The following BACH2 variants were observed in gnomAD, a reference collection of about 807,000 sequenced individuals.
The protein encoded by BACH2 is BACH transcriptional regulator 2, also known as transcription regulator protein BACH2.
In BACH2, 5 loss-of-function variants were observed where a neutral mutation model predicts 61.8. The ratio of observed to expected loss-of-function variants is 0.08; its 90% CI spans 0.04 to 0.17. The LOEUF (loss-of-function observed/expected upper bound fraction) is 0.17. BACH2 is among the 10% of genes least tolerant of loss of function. BACH2 has a pLI of 1.00. For missense variants in BACH2, 824 were observed against 1,091.1 expected, an observed-to-expected ratio of 0.76 and a Z score of 3.45; for synonymous variants, 446 against 440.1, an observed-to-expected ratio of 1.01 and a Z score of -0.17.
At position 89,975,129 on chromosome 6, in the gene BACH2, C is replaced by A. The variant is rs116120806; in HGVS notation, c.244-23267G>T. Among the ~76,000 whole-genome samples, 827 of 152,282 alleles carry A rather than the reference C, an allele frequency of 5.4e-3. 13 individuals carry two copies. Among genetic ancestry groups the A allele is most frequent in the African/African-American group, 0.019 (799 of 41,560 alleles). On this transcript the variant is annotated intron_variant, in intron 6 of 8. Coordinates refer to ENST00000257749, the MANE Select transcript of BACH2 (RefSeq NM_021813.4). ...TGAAAAAAATCCCATTGATTTTGGG[C>A]TTCATGATGATGTTTTCTGGGAGAG...
At chr6:90,102,791 AAATAATAATAATAATAAT>A (rs372366852) in intron 4 of BACH2, among the ~76,000 whole-genome samples, 10 of 113,672 alleles carry the variant, frequency 8.8e-5, no homozygotes, top group South Asian at 3.1e-4. Flanking sequence ...ACTCCATTTC[AAATAATAATAATAATAAT>A]AATAATAATA....
intron 5 of BACH2, among the ~76,000 whole-genome samples, chr6:90,032,375 G>C (rs1280120961): frequency 7.5e-6 from 1 of 133,306 alleles, no homozygotes; most frequent in Non-Finnish European, 1.5e-5. Flanking sequence ...TTAAACTAAA[G>C]AGCTTCTGCA....
intron 4 of BACH2, among the ~76,000 whole-genome samples, chr6:90,134,700 G>T (rs1367969351): frequency 1.3e-5 from 2 of 152,254 alleles, no homozygotes; most frequent in African/African-American, 4.8e-5. Flanking sequence ...TTGACCAAAA[G>T]TCAGGGTATT....
intron 5 of BACH2, among the ~76,000 whole-genome samples, chr6:90,036,235 C>G (rs148814354): frequency 3.8e-4 from 58 of 150,996 alleles, no homozygotes; most frequent in African/African-American, 1.3e-3. Flanking sequence ...GATATAAATT[C>G]CCTTCACCTT....
intron 5 of BACH2, among the ~76,000 whole-genome samples, chr6:90,045,124 CAAAT>C (rs1483601554): frequency 6.6e-6 from 1 of 152,138 alleles, no homozygotes. Flanking sequence ...AGAGACTGGA[CAAAT>C]AGATAATAAA....
At chr6:90,122,026 C>A (rs550849460) in intron 4 of BACH2, among the ~76,000 whole-genome samples, 2 of 152,272 alleles carry the variant, frequency 1.3e-5, no homozygotes, top group African/African-American at 4.8e-5. Flanking sequence ...AAAGGCTGAA[C>A]CTTTCCAGCT....
intron 3 of BACH2, among the ~76,000 whole-genome samples, chr6:90,244,162 T>C (rs1582525958): frequency 6.6e-6 from 1 of 152,096 alleles, no homozygotes; most frequent in South Asian, 2.1e-4. Context: ...CCTCAAGCAA[T>C]CCGCCTGCCT....
intron 4 of BACH2, among the ~76,000 whole-genome samples, chr6:90,202,709 C>T (rs1582479558): frequency 6.6e-6 from 1 of 152,290 alleles, no homozygotes; most frequent in Non-Finnish European, 1.5e-5. Flanking sequence ...AAGCACAGAA[C>T]AGCATGTGAC....
intron 5 of BACH2, among the ~76,000 whole-genome samples, chr6:90,012,253 G>A (rs1232975601): frequency 6.6e-6 from 1 of 152,100 alleles, no homozygotes; most frequent in South Asian, 2.1e-4. Flanking sequence ...TGAATCTACT[G>A]ATGAATTTAG....
intron 4 of BACH2, among the ~76,000 whole-genome samples, chr6:90,098,312 T>C (rs1405580799): frequency 6.6e-6 from 1 of 151,448 alleles, no homozygotes; most frequent in African/African-American, 2.4e-5. Flanking sequence ...CTTGGTTTAA[T>C]GACCTCAAAT....
chr6:89,960,027 G>T (rs1774652946), intron 6 of BACH2, among the ~76,000 whole-genome samples: 2 of 152,110 alleles, frequency 1.3e-5, no homozygotes. Context: ...GTCCGGAAGG[G>T]GCTGTCTGCC....
intron 5 of BACH2, among the ~76,000 whole-genome samples, chr6:90,066,189 T>A (rs1203066276): frequency 6.6e-6 from 1 of 152,060 alleles, no homozygotes; most frequent in Non-Finnish European, 1.5e-5. Flanking sequence ...AACCAATAAG[T>A]CCACAGGTGG....
intron 7 of BACH2, among the ~76,000 whole-genome samples, chr6:89,938,841 G>C (rs899786600): frequency 1.3e-5 from 2 of 152,162 alleles, no homozygotes; most frequent in Admixed American, 1.3e-4. Flanking sequence ...ATGGGAGATA[G>C]GAGGAGATAA....
chr6:90,186,198 G>A (rs1160454958), intron 4 of BACH2, among the ~76,000 whole-genome samples: 1 of 152,046 alleles, frequency 6.6e-6, no homozygotes, highest in Non-Finnish European at 1.5e-5. Context: ...TACTGGACTC[G>A]CCACTGACTC....
chr6:89,929,238 GT>G lies in BACH2; in HGVS notation c.*3169del, dbSNP rs1303356073. 6.6e-6 allele frequency: 1 copy of G among 152,318 alleles called. No individual in the cohort carries two copies. Among genetic ancestry groups the G allele is most frequent in the Non-Finnish European group, 1.5e-5 (1 of 68,048 alleles). 9.4% of individuals were successfully genotyped at this position (152,318 alleles called of 1,614,324 possible). On this transcript the variant is annotated 3_prime_UTR_variant, in exon 9 of 9. Coordinates refer to ENST00000257749, the MANE Select transcript of BACH2 (RefSeq NM_021813.4). ...AAAAGAGCCTTAAGAACAACCAAAT[GT>G]TACTGTACTGTGCAAACACTCTTCC...
intron 7 of BACH2, among the ~76,000 whole-genome samples, chr6:89,944,962 G>A (rs894165974): frequency 6.6e-6 from 1 of 152,034 alleles, no homozygotes; most frequent in Admixed American, 6.6e-5. Flanking sequence ...AAACCATAAT[G>A]AGATAAACCA....
chr6:90,118,651 A>G (rs1783499941), intron 4 of BACH2, among the ~76,000 whole-genome samples: 2 of 152,230 alleles, frequency 1.3e-5, no homozygotes. Context: ...TGATGAATGA[A>G]AATGCCTTAG....
chr6:90,276,656 A>G (rs1173236731), intron 1 of BACH2, among the ~76,000 whole-genome samples: 2 of 152,214 alleles, frequency 1.3e-5, no homozygotes, highest in Non-Finnish European at 2.9e-5. Context: ...TAAAATTTTG[A>G]GAACCATAGC....
intron 5 of BACH2, among the ~76,000 whole-genome samples, chr6:90,029,924 A>T (rs1402704181): frequency 6.6e-6 from 1 of 152,240 alleles, no homozygotes; most frequent in Non-Finnish European, 1.5e-5. Context: ...ATGGTACAAA[A>T]GCAAAAGAAA....
Sources: gnomAD v4.1 joint callset for allele counts (sites outside exome capture counted in the v4.1 genomes callset) on GRCh38, gnomAD v4.1.1 for gene constraint, MANE v1.5 for transcripts, NCBI Gene and HGNC (gene_info 2026-07-23, HGNC 2026-07-21) for gene names.